Variants in CDKAL1 observed in about 807,000 individuals in gnomAD.
The protein encoded by CDKAL1 is CDKAL1 threonylcarbamoyladenosine tRNA methylthiotransferase, also known as threonylcarbamoyladenosine tRNA methylthiotransferase.
CDKAL1 carries 32 observed loss-of-function variants against 68.2 expected under a neutral mutation model. The ratio of observed to expected loss-of-function variants is 0.47; its 90% CI spans 0.35 to 0.63. The LOEUF (loss-of-function observed/expected upper bound fraction) is 0.63, where lower values mean the gene tolerates loss of function less well. CDKAL1 is among the 30% of genes least tolerant of loss of function. The pLI, the probability that CDKAL1 is intolerant of heterozygous loss-of-function variation, is 0.00. For synonymous variants in CDKAL1, 234 were observed against 244.3 expected (o/e 0.96, Z 0.39); for missense variants, 606 against 696.7 (o/e 0.87, Z 1.47).
chr6:20,744,496 C>T (rs4710944), intron 6 of CDKAL1, among the ~76,000 whole-genome samples: 35,001 of 152,032 alleles, frequency 0.23, 4,887 homozygotes, highest in Non-Finnish European at 0.32. Context: ...ACTGAGCTTA[C>T]GTTCTGGTTC....
intron 5 of CDKAL1, 22 bp downstream of exon 5, chr6:20,649,399 C>T (rs747640269): frequency 7.2e-7 from 1 of 1,382,410 alleles, no homozygotes. Context: ...TTGATTTTTT[C>T]CTATTTTGTA....
rs955220195 is a variant in CDKAL1 at position 21,134,932 on chromosome 6, A to G, written c.1299+26469A>G. On this transcript the variant is annotated intron_variant, in intron 13 of 15. Coordinates refer to ENST00000274695, the MANE Select transcript of CDKAL1 (RefSeq NM_017774.3). ...TGTTTCTTCCAATAGTTTAGATCCC[A>G]TTATTGTTTAATTTCTTCTATTAAG... Among the ~76,000 whole-genome samples the G allele has an allele frequency of 5.3e-5, 8 of 150,844 alleles. No homozygotes were observed. In the Admixed American group the frequency reaches 5.3e-4, roughly 10 times the overall value.
chr6:20,851,460 C>T (rs1759008619), intron 9 of CDKAL1, among the ~76,000 whole-genome samples: 1 of 152,144 alleles, frequency 6.6e-6, no homozygotes, highest in Non-Finnish European at 1.5e-5. Context: ...GTGGAAACAA[C>T]ACCTTTCACC....
intron 9 of CDKAL1, among the ~76,000 whole-genome samples, chr6:20,866,257 G>A (rs1437851326): frequency 6.6e-6 from 1 of 152,118 alleles, no homozygotes; most frequent in Non-Finnish European, 1.5e-5. Context: ...CAGTTCACAA[G>A]CTGTACAACA....
intron 9 of CDKAL1, among the ~76,000 whole-genome samples, chr6:20,921,742 G>A (rs1561886218): frequency 6.6e-6 from 1 of 152,124 alleles, no homozygotes; most frequent in Admixed American, 6.5e-5. Context: ...TATTGGTGAT[G>A]TAATTTCTCA....
At chr6:20,977,017 G>C (rs1024986776) in intron 10 of CDKAL1, among the ~76,000 whole-genome samples, 1 of 152,136 alleles carries the variant, frequency 6.6e-6, no homozygotes, top group African/African-American at 2.4e-5. Context: ...ATATTCCTGA[G>C]TGGAATTGCT....
chr6:21,205,395 G>A lies in CDKAL1; in HGVS notation c.1548+4121G>A, dbSNP rs558023065. Among the ~76,000 whole-genome samples the A allele has an allele frequency of 2.8e-4, 42 of 152,254 alleles. No homozygotes were observed. The South Asian group carries it at 3.5e-3, about 13-fold the overall frequency. ...CTGCCATACTGTTTTCCATGGCAGC[G>A]GTACCATTTTACATTTCCACCAATA... On this transcript the variant is annotated intron_variant, in intron 15 of 15. Transcript: ENST00000274695.
At chr6:21,187,599 G>A (rs1259197257) in intron 13 of CDKAL1, among the ~76,000 whole-genome samples, 1 of 152,042 alleles carries the variant, frequency 6.6e-6, no homozygotes, top group African/African-American at 2.4e-5. Flanking sequence ...CATTGGTAAT[G>A]CCTGGTGGTG....
chr6:20,945,245 G>C (rs1272765811), intron 9 of CDKAL1, among the ~76,000 whole-genome samples: 1 of 152,008 alleles, frequency 6.6e-6, no homozygotes, highest in Non-Finnish European at 1.5e-5. Context: ...ACTTTTTTGA[G>C]TGCCAACATG....
chr6:20,743,820 C>T (rs944799519), intron 6 of CDKAL1, among the ~76,000 whole-genome samples: 1 of 152,196 alleles, frequency 6.6e-6, no homozygotes, highest in Admixed American at 6.5e-5. Flanking sequence ...AAAATCTGTG[C>T]ACAAACCTGT....
chr6:21,003,343 A>AATATATATATATATAC (rs1554159045), intron 11 of CDKAL1, among the ~76,000 whole-genome samples: 3 of 40,450 alleles, frequency 7.4e-5, no homozygotes, highest in African/African-American at 1.8e-4. Flanking sequence ...ATCTCTACTA[A>AATATATATATATATAC]ATATATATAT....
chr6:20,577,876 C>G (rs1015186144), intron 4 of CDKAL1, among the ~76,000 whole-genome samples: 2 of 152,102 alleles, frequency 1.3e-5, no homozygotes, highest in African/African-American at 4.8e-5. Context: ...ATGGTATAAG[C>G]AGACTACAGT....
At chr6:21,152,316 A>G (rs2151050661) in intron 13 of CDKAL1, among the ~76,000 whole-genome samples, 1 of 152,286 alleles carries the variant, frequency 6.6e-6, no homozygotes, top group East Asian at 1.9e-4. Context: ...ACATGGGCAT[A>G]GCAGTAGTCT....
At chr6:21,000,129 T>G in intron 10 of CDKAL1, 98 bp from the exon 11 acceptor site, 1 of 835,206 alleles carries the variant, frequency 1.2e-6, no homozygotes, top group East Asian at 2.5e-5. Flanking sequence ...TGTTTTCAGC[T>G]AGTATGTTTA....
intron 4 of CDKAL1, among the ~76,000 whole-genome samples, chr6:20,614,365 T>G (rs567991326): frequency 7.2e-4 from 109 of 152,208 alleles, no homozygotes; most frequent in Non-Finnish European, 1.3e-3. Flanking sequence ...TTTAAATCTT[T>G]GAGTTACATG....
At chr6:20,755,781 A>G (rs1774142672) in intron 6 of CDKAL1, among the ~76,000 whole-genome samples, 2 of 152,218 alleles carry the variant, frequency 1.3e-5, no homozygotes, top group African/African-American at 4.8e-5. Context: ...TTATTGTTAT[A>G]AATTCATGGT....
intron 5 of CDKAL1, among the ~76,000 whole-genome samples, chr6:20,674,799 A>G (rs868155550): frequency 6.6e-6 from 1 of 152,130 alleles, no homozygotes; most frequent in Non-Finnish European, 1.5e-5. Context: ...GCTCTCACAC[A>G]TGAGTGAGAA....
chr6:21,128,694 A>G (rs186693671), intron 13 of CDKAL1, among the ~76,000 whole-genome samples: 2 of 152,346 alleles, frequency 1.3e-5, no homozygotes, highest in Admixed American at 1.3e-4. Flanking sequence ...AATTAAGAAT[A>G]AAAGCTTGGG....
intron 12 of CDKAL1, among the ~76,000 whole-genome samples, chr6:21,069,777 T>TC: frequency 1.9e-4 from 10 of 52,948 alleles, no homozygotes; most frequent in Non-Finnish European, 3.3e-4. Flanking sequence ...TTTCTTTCTT[T>TC]TTTTTTTTTT....
Sources: allele counts gnomAD v4.1 joint callset (sites outside exome capture counted in the v4.1 genomes callset), GRCh38; gene constraint gnomAD v4.1.1; transcripts MANE v1.5; gene names NCBI Gene and HGNC (gene_info 2026-07-23, HGNC 2026-07-21).